EPSTI1: variants seen among roughly 807,000 people sequenced by gnomAD.
EPSTI1 encodes epithelial stromal interaction 1.
In EPSTI1, 66 loss-of-function variants were observed where a neutral mutation model predicts 49.9. That is an observed-to-expected ratio of 1.32 (90% CI 1.08 to 1.62). EPSTI1 has a LOEUF of 1.62. Ranked by LOEUF, EPSTI1 falls within the 40% of genes most tolerant of loss-of-function variation. The probability of loss-of-function intolerance (pLI) is 0.00; values close to 1 mark genes in which losing one functional copy is unlikely to be tolerated. For synonymous variants in EPSTI1, 137 were observed against 130.7 expected (o/e 1.05, Z -0.33); for missense variants, 394 against 365.5 (o/e 1.08, Z -0.64).
chr13:42,970,647 G>A lies in EPSTI1; in HGVS notation c.212C>T (p.Ala71Val). ...QRRTSAYTLI[A>V]PNINRRNEIQ... Reference sequence around the variant, plus strand: ...CTCATTTCTCCGGTTTATATTTGGTGCTATCAAGGTGTATGCACTTGTGCT... The same window carrying A: ...CTCATTTCTCCGGTTTATATTTGGTACTATCAAGGTGTATGCACTTGTGCT... The change falls in exon 2 of 11, where the codon GCA (alanine) becomes GTA (valine). Residue 71 changes from alanine (A) to valine (V), a missense_variant. By Grantham distance (64) the Ala-to-Val change is moderately conservative. Coordinates refer to ENST00000313624, the MANE Select transcript of EPSTI1 (RefSeq NM_033255.5). 1 of 1,610,410 alleles carries A rather than the reference G, an allele frequency of 6.2e-7. No homozygotes were observed.
At chr13:42,894,974 T>C (rs2037147733) in intron 10 of EPSTI1, 35 bp downstream of exon 10, 3 of 1,516,996 alleles carry the variant, frequency 2.0e-6, no homozygotes, top group South Asian at 1.2e-5. Flanking sequence ...TTCTTCAACA[T>C]TGAAAGATGA....
intron 1 of EPSTI1, among the ~76,000 whole-genome samples, chr13:42,986,492 C>A (rs886154337): frequency 6.6e-6 from 1 of 152,102 alleles, no homozygotes; most frequent in Non-Finnish European, 1.5e-5. Context: ...CGCCTGTAAT[C>A]CCAGTACTTT....
At chr13:42,903,490 A>C (rs2153412866) in intron 8 of EPSTI1, among the ~76,000 whole-genome samples, 1 of 152,328 alleles carries the variant, frequency 6.6e-6, no homozygotes, top group East Asian at 1.9e-4. Flanking sequence ...TGTGCAGCAA[A>C]CCACCATGGC....
intron 8 of EPSTI1, among the ~76,000 whole-genome samples, chr13:42,908,087 ACAACT>A (rs1414594428): frequency 6.6e-6 from 1 of 152,254 alleles, no homozygotes; most frequent in Non-Finnish European, 1.5e-5. Flanking sequence ...CATACAAAAA[ACAACT>A]CAATTTGACA....
At chr13:42,907,030 A>G (rs906187012) in intron 8 of EPSTI1, among the ~76,000 whole-genome samples, 5 of 152,180 alleles carry the variant, frequency 3.3e-5, no homozygotes, top group African/African-American at 1.2e-4. Context: ...AAGGTACACT[A>G]TCATCTTACT....
At chr13:42,926,990 GAC>G (rs10529424) in intron 6 of EPSTI1, among the ~76,000 whole-genome samples, 11,953 of 144,574 alleles carry the variant, frequency 0.083, 498 homozygotes, top group Admixed American at 0.13. Context: ...TCTGTTAACA[GAC>G]ACACACACAC....
rs1195741954 is a variant in EPSTI1, at chr13:42,922,248, C to T, written c.657+4088G>A. Among the ~76,000 whole-genome samples the T allele has an allele frequency of 6.6e-6, 1 of 152,196 alleles. No homozygotes were observed. The highest frequency in any genetic ancestry group is 1.5e-5 in the Non-Finnish European group (1 of 68,038). On this transcript the variant is annotated intron_variant, in intron 7 of 10. Transcript: ENST00000313624. The surrounding 1 kb of genome is among the most constrained non-coding windows in gnomAD (Gnocchi z 4.8). ...ACAGGTGGTGGGTTGCATAATGGCC[C>T]CCCAAAGACGTCCCAATCCCTGGAA...
At chr13:42,981,547 G>A (rs1594761508) in intron 1 of EPSTI1, among the ~76,000 whole-genome samples, 1 of 152,176 alleles carries the variant, frequency 6.6e-6, no homozygotes, top group East Asian at 1.9e-4. Flanking sequence ...GACCACAAAT[G>A]CGTACCATAC....
rs370409235 is a variant in EPSTI1 at position 42,953,968 on chromosome 13, T to G, written c.543A>C (p.Ala181=). 1 of 1,613,028 alleles carries G rather than the reference T, an allele frequency of 6.2e-7. No individual in the cohort carries two copies. Among genetic ancestry groups the G allele is most frequent in the African/African-American group, 1.3e-5 (1 of 74,910 alleles). The stretch of plus-strand genomic sequence containing the variant: ...CTTACTATTGCTGATGCTCTCTAAA[T>G]GCTTCTCTTCTAAGGTTTTCTTGAA... ...KRLQENLRRE[A]FREHQQYKTA... The change falls in exon 6 of 11, where the codon GCA becomes GCC. Residue 181 remains alanine, a synonymous_variant. Transcript: ENST00000313624.
At chr13:42,991,887 T>C (rs1055629080) in intron 1 of EPSTI1, 91 bp downstream of exon 1, 5 of 1,411,066 alleles carry the variant, frequency 3.5e-6, no homozygotes, top group African/African-American at 1.4e-5. Context: ...TGGGCCCCTG[T>C]GGTTTTAAAC....
chr13:42,947,637 C>T (rs7491667), intron 6 of EPSTI1, among the ~76,000 whole-genome samples: 149,304 of 152,288 alleles, frequency 0.98, 73,240 homozygotes, highest in East Asian at 1. Flanking sequence ...CAAAACCTAT[C>T]TACATCTAGA....
chr13:42,955,877 T>TG (rs57603932), intron 5 of EPSTI1, among the ~76,000 whole-genome samples: 10,781 of 104,660 alleles, frequency 0.1, 629 homozygotes, highest in Non-Finnish European at 0.14. Flanking sequence ...AAGAAGTATT[T>TG]GGGGGGGGGG....
chr13:42,909,486 C>T (rs1256367165), intron 8 of EPSTI1, among the ~76,000 whole-genome samples: 6 of 152,106 alleles, frequency 3.9e-5, no homozygotes, highest in Non-Finnish European at 7.4e-5. Flanking sequence ...TATCTGCACC[C>T]CCATGTTTAT....
At chr13:42,894,411 A>G (rs1959203843) in intron 10 of EPSTI1, among the ~76,000 whole-genome samples, 3 of 152,214 alleles carry the variant, frequency 2.0e-5, no homozygotes, top group Non-Finnish European at 1.5e-5. Context: ...AAACCTCACA[A>G]TTATATATGT....
chr13:42,935,890 C>G (rs1448203439), intron 6 of EPSTI1, among the ~76,000 whole-genome samples: 2 of 152,178 alleles, frequency 1.3e-5, no homozygotes, highest in Non-Finnish European at 2.9e-5. Flanking sequence ...CCATGCCCGG[C>G]CCACTCATGA....
intron 1 of EPSTI1, among the ~76,000 whole-genome samples, chr13:42,972,967 A>G (rs2039801602): frequency 6.6e-6 from 1 of 152,268 alleles, no homozygotes; most frequent in Admixed American, 6.5e-5. Flanking sequence ...TAGAGACCTC[A>G]GAAGAGTAAA....
intron 7 of EPSTI1, chr13:42,919,338 CA>C (rs2037929641): frequency 1.2e-6 from 2 of 1,612,914 alleles, no homozygotes; most frequent in Non-Finnish European, 1.7e-6. Context: ...AGTTTCTGTT[CA>C]AAAATAATAG....
chr13:42,898,469 T>C (rs2037259543), intron 9 of EPSTI1, among the ~76,000 whole-genome samples: 1 of 152,212 alleles, frequency 6.6e-6, no homozygotes, highest in South Asian at 2.1e-4. Flanking sequence ...ATTTAATGAC[T>C]TGATCAGATA....
chr13:42,908,895 CA>C (rs2037579236), intron 8 of EPSTI1, among the ~76,000 whole-genome samples: 1 of 142,476 alleles, frequency 7.0e-6, no homozygotes, highest in Admixed American at 7.2e-5. Context: ...TCAGCCTGAT[CA>C]ACATGGTGAA....
Sources: allele counts gnomAD v4.1 joint callset (sites outside exome capture counted in the v4.1 genomes callset), GRCh38; gene constraint gnomAD v4.1.1; non-coding constraint Gnocchi (gnomAD v3.1); transcripts MANE v1.5; gene names NCBI Gene and HGNC (gene_info 2026-07-23, HGNC 2026-07-21).